The following DLG2 variants were observed in gnomAD, a reference collection of about 807,000 sequenced individuals.
DLG2 encodes discs large MAGUK scaffold protein 2, also known as disks large homolog 2.
Under a neutral mutation model 132.5 loss-of-function variants are expected in DLG2, and 45 were observed. That is an observed-to-expected ratio of 0.34 (90% CI 0.27 to 0.44). DLG2 has a LOEUF of 0.44. Among genes scored for constraint, DLG2 ranks in the 20% least tolerant of loss-of-function variants. The pLI, the probability that DLG2 is intolerant of heterozygous loss-of-function variation, is 1.00. For missense variants in DLG2, 1,045 were observed against 1,196.9 expected (o/e 0.87, Z 1.87); for synonymous variants, 424 against 419.6 (o/e 1.01, Z -0.13).
intron 6 of DLG2, among the ~76,000 whole-genome samples, chr11:84,981,513 G>T (rs1026055145): frequency 6.6e-6 from 1 of 152,122 alleles, no homozygotes; most frequent in Non-Finnish European, 1.5e-5. Context: ...TTTGAGCTCT[G>T]ATTGGAGGTC....
At chr11:84,063,180 ACAGTTT>A (rs1008033500) in intron 10 of DLG2, among the ~76,000 whole-genome samples, 5 of 152,216 alleles carry the variant, frequency 3.3e-5, no homozygotes, top group African/African-American at 1.2e-4. Context: ...AATTAAGTTG[ACAGTTT>A]CACTCTTAGT....
chr11:84,190,907 G>C (rs2096394630), intron 8 of DLG2, among the ~76,000 whole-genome samples: 1 of 152,030 alleles, frequency 6.6e-6, no homozygotes, highest in Admixed American at 6.6e-5. Context: ...TTGATAAAGA[G>C]AAAAAATGAA....
chr11:83,628,333 C>G (rs1245172274), intron 19 of DLG2, among the ~76,000 whole-genome samples: 1 of 152,118 alleles, frequency 6.6e-6, no homozygotes, highest in Non-Finnish European at 1.5e-5. Context: ...GAAACTGATT[C>G]GTCCATGGTC....
At chr11:84,301,423 C>T (rs373847483) in intron 7 of DLG2, among the ~76,000 whole-genome samples, 7 of 151,828 alleles carry the variant, frequency 4.6e-5, no homozygotes, top group South Asian at 2.1e-4. Context: ...TTTGGGAGGC[C>T]GAGGTGGGTG....
chr11:83,687,654 G>T (rs1343239034), intron 18 of DLG2, among the ~76,000 whole-genome samples: 1 of 151,830 alleles, frequency 6.6e-6, no homozygotes, highest in Non-Finnish European at 1.5e-5. Flanking sequence ...GTTTTTTAAT[G>T]TCTTTCATTT....
At chr11:84,976,420 G>A (rs2054914668) in intron 6 of DLG2, among the ~76,000 whole-genome samples, 1 of 152,038 alleles carries the variant, frequency 6.6e-6, no homozygotes, top group African/African-American at 2.4e-5. Context: ...GAGAACCTAT[G>A]TACTTGTGAT....
rs534060074 is a variant in DLG2 at position 84,212,164 on chromosome 11, C to T, written c.573+39074G>A. ...TGAGTTAAGAGATAATTTTTATCAT[C>T]CCTGGAGACCGTCTTTCTTTGGGTT... On this transcript the variant is annotated intron_variant, in intron 8 of 27. Coordinates refer to ENST00000376104, the MANE Select transcript of DLG2 (RefSeq NM_001142699.3). 1.1e-4 allele frequency among the ~76,000 whole-genome samples: 17 copies of T among 152,266 alleles called. 1 individual carries two copies. Among genetic ancestry groups the T allele is most frequent in the Admixed American group, 9.2e-4 (14 of 15,282 alleles).
chr11:84,196,360 A>C (rs903018351), intron 8 of DLG2, among the ~76,000 whole-genome samples: 3 of 152,344 alleles, frequency 2.0e-5, no homozygotes, highest in South Asian at 4.1e-4. Flanking sequence ...GGGTAAGAGA[A>C]AAAGAAATCA....
At chr11:85,142,372 C>T (rs565463913) in intron 5 of DLG2, among the ~76,000 whole-genome samples, 2 of 151,694 alleles carry the variant, frequency 1.3e-5, no homozygotes, top group African/African-American at 4.8e-5. Flanking sequence ...TCATTGTTGA[C>T]ATTTAGAAAT....
chr11:85,281,145 T>C (rs1205202046), intron 4 of DLG2, among the ~76,000 whole-genome samples: 1 of 152,038 alleles, frequency 6.6e-6, no homozygotes, highest in African/African-American at 2.4e-5. Context: ...CACCAGGCAC[T>C]GGAGATGAAA....
intron 11 of DLG2, among the ~76,000 whole-genome samples, chr11:84,008,067 G>A (rs2094663939): frequency 6.6e-6 from 1 of 151,674 alleles, no homozygotes. Context: ...AATATAAAAT[G>A]AGTTATTAGA....
At chr11:84,067,442 T>C (rs1292556245) in intron 10 of DLG2, among the ~76,000 whole-genome samples, 1 of 152,192 alleles carries the variant, frequency 6.6e-6, no homozygotes, top group East Asian at 1.9e-4. Context: ...GGGTCTTGTT[T>C]TTCTTCTATT....
chr11:83,569,934 T>G (rs2096770374), intron 19 of DLG2, among the ~76,000 whole-genome samples: 2 of 152,198 alleles, frequency 1.3e-5, no homozygotes, highest in South Asian at 4.1e-4. Context: ...ACTAGCTTCA[T>G]GAGGACATGT....
At chr11:84,720,031 C>A (rs1596467626) in intron 6 of DLG2, among the ~76,000 whole-genome samples, 1 of 152,060 alleles carries the variant, frequency 6.6e-6, no homozygotes, top group African/African-American at 2.4e-5. Context: ...ACCCAAGGTG[C>A]CCCATTTCCG....
At chr11:83,958,249 A>C (rs2087449750) in intron 14 of DLG2, among the ~76,000 whole-genome samples, 1 of 152,190 alleles carries the variant, frequency 6.6e-6, no homozygotes, top group Non-Finnish European at 1.5e-5. Flanking sequence ...AATAGAGTAG[A>C]TGTGGACTCC....
At chr11:84,106,556 C>G (rs912634053) in intron 9 of DLG2, among the ~76,000 whole-genome samples, 1 of 152,110 alleles carries the variant, frequency 6.6e-6, no homozygotes, top group Non-Finnish European at 1.5e-5. Context: ...ATACAATCTA[C>G]AGGAATTGCA....
At chr11:84,352,408 G>C (rs943837443) in intron 7 of DLG2, among the ~76,000 whole-genome samples, 35 of 152,166 alleles carry the variant, frequency 2.3e-4, no homozygotes, top group African/African-American at 8.0e-4. Flanking sequence ...TGTGTGAAGA[G>C]GGGAACGATA....
chr11:85,118,490 GCT>G (rs2073933138), intron 5 of DLG2, among the ~76,000 whole-genome samples: 1 of 152,074 alleles, frequency 6.6e-6, no homozygotes, highest in Non-Finnish European at 1.5e-5. Context: ...AGTGGAATAG[GCT>G]CTGAGTTTTC....
At chr11:85,107,856 CG>C (rs2072034628) in intron 6 of DLG2, among the ~76,000 whole-genome samples, 1 of 136,372 alleles carries the variant, frequency 7.3e-6, no homozygotes, top group Non-Finnish European at 1.5e-5. Flanking sequence ...AAATAATTAA[CG>C]GGGAGTATAA....
Sources: gnomAD v4.1 joint callset for allele counts (sites outside exome capture counted in the v4.1 genomes callset) on GRCh38, gnomAD v4.1.1 for gene constraint, MANE v1.5 for transcripts, NCBI Gene and HGNC (gene_info 2026-07-23, HGNC 2026-07-21) for gene names.